Variants in CC2D2A observed in about 807,000 individuals in gnomAD.
CC2D2A encodes coiled-coil and C2 domain containing 2A, also known as coiled-coil and C2 domain-containing protein 2A.
CC2D2A carries 155 observed loss-of-function variants against 212.9 expected under a neutral mutation model. The observed-to-expected ratio is 0.73, with a 90% CI of 0.64 to 0.83. The LOEUF (loss-of-function observed/expected upper bound fraction) is 0.83. CC2D2A is among the 40% of genes least tolerant of loss of function. The pLI, the probability that CC2D2A is intolerant of heterozygous loss-of-function variation, is 0.00. For missense variants in CC2D2A, 1,856 were observed against 1,956.2 expected (o/e 0.95, Z 0.97); for synonymous variants, 667 against 686.5 (o/e 0.97, Z 0.44).
intron 11 of CC2D2A, among the ~76,000 whole-genome samples, chr4:15,522,090 A>G (rs995603087): frequency 1.3e-5 from 2 of 152,194 alleles, no homozygotes; most frequent in Non-Finnish European, 2.9e-5. Flanking sequence ...GGTCCCAGCT[A>G]CTCAGGAGGC....
rs368720062 is a variant in CC2D2A at position 15,596,154 on chromosome 4, T to C, written c.4384T>C (p.Trp1462Arg). 9.7e-6 allele frequency: 15 copies of C among 1,550,016 alleles called. No homozygotes were observed. The highest frequency in any genetic ancestry group is 2.0e-5 in the Admixed American group (1 of 50,876). ...TTTTGATGTCACCAGGCCCAAGCTA[T>C]GGAAATCTTTCTTTTCAAGAAGCCT... The part of the protein sequence containing the change: ...INFDVTRPKL[W>R]KSFFSRSLPY... Residue 1462 changes from tryptophan (W) to arginine (R), a missense_variant, in exon 34 of 37, where the codon TGG (tryptophan) becomes CGG (arginine). Coordinates refer to ENST00000424120, the MANE Select transcript of CC2D2A (RefSeq NM_001378615.1).
At chr4:15,478,879 C>A in intron 3 of CC2D2A, 73 bp downstream of exon 3, 1 of 1,240,774 alleles carries the variant, frequency 8.1e-7, no homozygotes, top group Non-Finnish European at 1.2e-6. Flanking sequence ...CAGGGCCATA[C>A]AGAATCCACA....
At chr4:15,484,831 G>A (rs1714909679) in intron 4 of CC2D2A, among the ~76,000 whole-genome samples, 1 of 152,148 alleles carries the variant, frequency 6.6e-6, no homozygotes, top group Non-Finnish European at 1.5e-5. Flanking sequence ...AGTGGACATG[G>A]ATGTATGGAT....
At chr4:15,592,696 C>T (rs1025500518) in intron 33 of CC2D2A, among the ~76,000 whole-genome samples, 1 of 152,142 alleles carries the variant, frequency 6.6e-6, no homozygotes, top group African/African-American at 2.4e-5. Context: ...TCTTCTAGGA[C>T]CACACCTATT....
chr4:15,570,563 G>T lies in CC2D2A; in HGVS notation c.3594+67G>T. The T allele has an allele frequency of 1.7e-6, 2 of 1,154,182 alleles. 1 individual carries two copies. The highest frequency in any genetic ancestry group is 2.6e-5 in the South Asian group (2 of 75,592). 71.5% of individuals were successfully genotyped at this position (1,154,182 alleles called of 1,614,324 possible). On this transcript the variant is annotated intron_variant, in intron 28 of 36. Transcript: ENST00000424120. ...CTCTATCCATTTTTCCTATTAAAAC[G>T]TTCTTTGTGGGCCAGGCGCGGTGGC...
chr4:15,598,997 A>G (rs1721451415), intron 35 of CC2D2A, among the ~76,000 whole-genome samples: 1 of 152,038 alleles, frequency 6.6e-6, no homozygotes, highest in African/African-American at 2.4e-5. Context: ...TTGTCTCTAT[A>G]AAAAAGAAAA....
At chr4:15,490,510 A>T (rs1715237382) in intron 4 of CC2D2A, among the ~76,000 whole-genome samples, 1 of 152,216 alleles carries the variant, frequency 6.6e-6, no homozygotes, top group Non-Finnish European at 1.5e-5. Flanking sequence ...ATTATATTTC[A>T]TCATATGGAC....
intron 8 of CC2D2A, 45 bp downstream of exon 8, chr4:15,511,468 G>T: frequency 6.9e-7 from 1 of 1,446,612 alleles, no homozygotes; most frequent in South Asian, 1.6e-5. Flanking sequence ...GGAGGGCTAG[G>T]AGGAAAAAGC....
chr4:15,567,764 G>A lies in CC2D2A; in HGVS notation c.3376G>A (p.Glu1126Lys), dbSNP rs1473532901. The A allele has an allele frequency of 3.1e-6, 5 of 1,594,474 alleles. No individual in the cohort carries two copies. Among genetic ancestry groups the A allele is most frequent in the Non-Finnish European group, 4.3e-6 (5 of 1,174,304 alleles). Reference sequence around the variant, plus strand: ...TGAAGGACCAAACCCTAGCTGGAATGAAGAACTAGAACTTCCATTTAGGTA... The same window carrying A: ...TGAAGGACCAAACCCTAGCTGGAATAAAGAACTAGAACTTCCATTTAGGTA... ...TAEGPNPSWN[E>K]ELELPFRAPN... The change falls in exon 26 of 37, where the codon GAA becomes AAA. Residue 1126 changes from glutamate (E) to lysine (K), a missense_variant. Transcript: ENST00000424120.
chr4:15,567,253 A>G (rs1719924714), intron 24 of CC2D2A, 124 bp from the exon 25 acceptor site: 1 of 705,738 alleles, frequency 1.4e-6, no homozygotes, highest in African/African-American at 1.8e-5. Flanking sequence ...AGCCGAGATC[A>G]TGCCACTGCA....
Position 15,552,246 on chromosome 4 carries a change from T to G in CC2D2A, c.2339-912T>G, listed in dbSNP as rs150980922. Among the ~76,000 whole-genome samples the G allele has an allele frequency of 2.7e-3, 410 of 152,348 alleles. 4 individuals are homozygous for G. The highest frequency in any genetic ancestry group is 9.5e-3 in the African/African-American group (394 of 41,588). ...TAATTAACATGTGTTGTGTGATCAC[T>G]ATTTGCCAGGCATTGTGTAAGTGCT... On this transcript the variant is annotated intron_variant, in intron 18 of 36. Transcript: ENST00000424120.
At chr4:15,523,780 T>C (rs867943164) in intron 11 of CC2D2A, among the ~76,000 whole-genome samples, 20 of 152,206 alleles carry the variant, frequency 1.3e-4, no homozygotes, top group African/African-American at 3.4e-4. Flanking sequence ...TTCTCTGCAA[T>C]TGCAGGCATG....
At chr4:15,485,896 A>T (rs1171344309) in intron 4 of CC2D2A, among the ~76,000 whole-genome samples, 1 of 152,042 alleles carries the variant, frequency 6.6e-6, no homozygotes, top group Non-Finnish European at 1.5e-5. Flanking sequence ...TAATTTGCAA[A>T]TATTTTTTCA....
chr4:15,482,324 A>G, intron 4 of CC2D2A: 1 of 977,444 alleles, frequency 1.0e-6, no homozygotes, highest in Non-Finnish European at 1.2e-6. Flanking sequence ...CAAAGATTAC[A>G]ACTTGTCATT....
In CC2D2A at chr4:15,557,481, C is replaced by T. The variant is rs563610095; in HGVS notation, c.2803C>T (p.Arg935Ter). The change falls in exon 21 of 37, where the codon CGA becomes TGA. Residue 935 changes from arginine (R) to a stop codon, truncating the protein, a stop_gained. Transcript: ENST00000424120. LOFTEE classifies it high-confidence loss of function. The stretch of plus-strand genomic sequence containing the variant: ...TTATAAGCAAGTTCCAGTCTATGAC[C>T]GAGAAATTATGGAAAAGGTATTCCA... ...RNYKQVPVYDREIMEKVFQDY... is the reference protein window; with the variant it reads ...RNYKQVPVYD The T allele has an allele frequency of 1.5e-5, 24 of 1,608,028 alleles. No homozygotes were observed. Among genetic ancestry groups the T allele is most frequent in the South Asian group, 8.9e-5 (8 of 90,224 alleles).
chr4:15,555,361 A>G (rs1719223399), intron 20 of CC2D2A, 151 bp downstream of exon 20: 1 of 521,632 alleles, frequency 1.9e-6, no homozygotes, highest in Non-Finnish European at 2.5e-6. Flanking sequence ...TTGCCTGGCT[A>G]TGGGACCCAG....
chr4:15,528,765 G>T, intron 13 of CC2D2A, 39 bp downstream of exon 13: 1 of 1,401,882 alleles, frequency 7.1e-7, no homozygotes, highest in Non-Finnish European at 1.0e-6. Context: ...TTTTTTTCCC[G>T]TTAGATGTGC....
chr4:15,500,010 C>T (rs942462398), intron 4 of CC2D2A, among the ~76,000 whole-genome samples: 23 of 151,150 alleles, frequency 1.5e-4, no homozygotes, highest in East Asian at 7.8e-4. Context: ...TTCTGAGAAA[C>T]GCATAACTGA....
At chr4:15,529,507 T>A (rs535091876) in intron 13 of CC2D2A, among the ~76,000 whole-genome samples, 46 of 152,286 alleles carry the variant, frequency 3.0e-4, no homozygotes, top group African/African-American at 1.1e-3. Flanking sequence ...TCTGCAGGTA[T>A]CAACATGGAT....
Sources: gnomAD v4.1 joint callset for allele counts (sites outside exome capture counted in the v4.1 genomes callset) on GRCh38, gnomAD v4.1.1 for gene constraint, MANE v1.5 for transcripts, NCBI Gene and HGNC (gene_info 2026-07-23, HGNC 2026-07-21) for gene names.